The following PRIM2 variants were observed in gnomAD, a reference collection of about 807,000 sequenced individuals.
PRIM2 encodes DNA primase subunit 2.
A neutral mutation model predicts 67.3 loss-of-function variants in PRIM2; 39 were observed. The ratio of observed to expected loss-of-function variants is 0.58; its 90% CI spans 0.45 to 0.76. The LOEUF (loss-of-function observed/expected upper bound fraction) is 0.76, where lower values mean the gene tolerates loss of function less well. Ranked by LOEUF, PRIM2 falls within the 30% of genes least tolerant of loss-of-function variation. The probability of loss-of-function intolerance (pLI) is 0.00; values close to 1 mark genes in which losing one functional copy is unlikely to be tolerated. For synonymous variants in PRIM2, 143 were observed against 198.7 expected (o/e 0.72, Z 2.36); for missense variants, 398 against 598.7 (o/e 0.66, Z 3.50).
At chr6:57,554,970 C>G (rs1412872146) in intron 10 of PRIM2, among the ~76,000 whole-genome samples, 2 of 152,242 alleles carry the variant, frequency 1.3e-5, no homozygotes, top group East Asian at 3.9e-4. Context: ...CAGTGAATGC[C>G]TTGTATTATT....
At position 57,632,118 on chromosome 6, in the gene PRIM2, C is replaced by G; in HGVS notation, c.1231-15C>G. On this transcript the variant is annotated splice_polypyrimidine_tract_variant and intron_variant, in intron 12 of 13. Transcript: ENST00000615550. The stretch of plus-strand genomic sequence containing the variant: ...ATTTCTAATTTTTATTTCTCTTTTT[C>G]CTCATTCATTTTAGATTTTGGATTT... The G allele has an allele frequency of 6.6e-7, 1 of 1,508,148 alleles. No individual in the cohort carries two copies. The highest frequency in any genetic ancestry group is 8.9e-7 in the Non-Finnish European group (1 of 1,128,306). The allele number at this position is 1,508,148 out of a possible 1,614,324, so 93.4% of individuals were successfully genotyped here. A position where few individuals can be genotyped will look rare whatever the true frequency, so the allele number is the denominator to read the frequency against.
chr6:57,338,225 C>T (rs1768331247), intron 5 of PRIM2, among the ~76,000 whole-genome samples: 1 of 152,034 alleles, frequency 6.6e-6, no homozygotes, highest in South Asian at 2.1e-4. Context: ...AATAGCTTAC[C>T]AACCAAAAAG....
intron 5 of PRIM2, among the ~76,000 whole-genome samples, chr6:57,329,785 C>T (rs370605728): frequency 4.1e-4 from 62 of 152,214 alleles, no homozygotes; most frequent in African/African-American, 2.9e-4. Context: ...TTTACAGCAG[C>T]GTGAGAACAG....
At chr6:57,413,835 T>C (rs1179979340) in intron 7 of PRIM2, among the ~76,000 whole-genome samples, 1 of 152,068 alleles carries the variant, frequency 6.6e-6, no homozygotes, top group African/African-American at 2.4e-5. Context: ...TATCTTGGGA[T>C]TTATGTATTT....
the PRIM2 span, among the ~76,000 whole-genome samples, chr6:57,309,390 GTTTGGTT>G: frequency 1.3e-5 from 2 of 148,182 alleles, no homozygotes; most frequent in African/African-American, 5.0e-5. Context: ...AATATGCGGT[GTTTGGTT>G]TTTTGTTCTT....
intron 8 of PRIM2, among the ~76,000 whole-genome samples, chr6:57,527,892 C>A (rs1253177585): frequency 3.3e-5 from 5 of 152,312 alleles, no homozygotes; most frequent in East Asian, 1.9e-4. Context: ...ATCCCCACCC[C>A]CATGGGTTCC....
At chr6:57,349,248 G>T (rs968081900) in intron 5 of PRIM2, among the ~76,000 whole-genome samples, 1 of 151,758 alleles carries the variant, frequency 6.6e-6, no homozygotes, top group African/African-American at 2.4e-5. Flanking sequence ...ACTTTGTTTC[G>T]TTCTGAGTGT....
intron 5 of PRIM2, among the ~76,000 whole-genome samples, chr6:57,376,437 G>A (rs1340198289): frequency 4.6e-5 from 7 of 152,150 alleles, no homozygotes; most frequent in Admixed American, 3.3e-4. Flanking sequence ...GGCTCTTTGA[G>A]TTTTCTCATT....
At chr6:57,267,466 A>G in the PRIM2 span, among the ~76,000 whole-genome samples, 10 of 151,878 alleles carry the variant, frequency 6.6e-5, no homozygotes, top group Non-Finnish European at 1.3e-4. Context: ...GCTGCATAAA[A>G]CCTTTGAGCA....
chr6:57,639,657 A>G (rs1254499368), intron 13 of PRIM2, among the ~76,000 whole-genome samples: 1 of 130,524 alleles, frequency 7.7e-6, no homozygotes, highest in African/African-American at 3.1e-5. Flanking sequence ...ATTTCTGGAC[A>G]CATACACCCT....
At chr6:57,609,286 T>A (rs2127493762) in intron 12 of PRIM2, among the ~76,000 whole-genome samples, 1 of 152,260 alleles carries the variant, frequency 6.6e-6, no homozygotes, top group East Asian at 1.9e-4. Context: ...CCCTCAGCAA[T>A]GTGGGAACAT....
intron 7 of PRIM2, among the ~76,000 whole-genome samples, chr6:57,394,288 C>A (rs996590457): frequency 5.9e-5 from 9 of 152,162 alleles, no homozygotes; most frequent in Admixed American, 3.9e-4. Context: ...TTTTCTCCTG[C>A]ATGAGCATGG....
At chr6:57,454,306 T>G (rs1328509432) in intron 7 of PRIM2, among the ~76,000 whole-genome samples, 1 of 152,210 alleles carries the variant, frequency 6.6e-6, no homozygotes, top group Non-Finnish European at 1.5e-5. Flanking sequence ...CCTCATAAAA[T>G]GAGTTAGGGA....
At chr6:57,468,524 G>T (rs1362716151) in intron 7 of PRIM2, among the ~76,000 whole-genome samples, 1 of 152,030 alleles carries the variant, frequency 6.6e-6, no homozygotes, top group Admixed American at 6.6e-5. Flanking sequence ...TGCTGGATTC[G>T]GTTTGCCAGT....
the PRIM2 span, among the ~76,000 whole-genome samples, chr6:57,279,509 C>T: frequency 6.6e-6 from 1 of 152,158 alleles, no homozygotes; most frequent in Non-Finnish European, 1.5e-5. Context: ...GCTGGAACCA[C>T]CTACCCCAGG....
the PRIM2 span, among the ~76,000 whole-genome samples, chr6:57,268,621 C>T: frequency 1.3e-5 from 2 of 150,950 alleles, no homozygotes; most frequent in Non-Finnish European, 3.0e-5. Flanking sequence ...CCCACATTTA[C>T]TTATTTATTT....
intron 7 of PRIM2, among the ~76,000 whole-genome samples, chr6:57,468,118 A>G (rs1773249124): frequency 6.6e-6 from 1 of 151,996 alleles, no homozygotes; most frequent in Non-Finnish European, 1.5e-5. Context: ...AATACCCTTT[A>G]TTTCTTTCTC....
the PRIM2 span, among the ~76,000 whole-genome samples, chr6:57,243,086 T>A: frequency 6.6e-6 from 1 of 152,232 alleles, no homozygotes; most frequent in African/African-American, 2.4e-5. Context: ...TCTGCTCTCA[T>A]TTGCAATCTA....
chr6:57,601,385 T>C (rs1343359222), intron 11 of PRIM2, among the ~76,000 whole-genome samples, 166 bp downstream of exon 11: 10 of 152,226 alleles, frequency 6.6e-5, no homozygotes, highest in African/African-American at 1.9e-4. Flanking sequence ...GAACAATTTG[T>C]CTTATTACTG....
Sources: allele counts gnomAD v4.1 joint callset (sites outside exome capture counted in the v4.1 genomes callset), GRCh38; gene constraint gnomAD v4.1.1; transcripts MANE v1.5; gene names NCBI Gene and HGNC (gene_info 2026-07-23, HGNC 2026-07-21).